PABIR2: variants seen among roughly 807,000 people sequenced by gnomAD.
PABIR2 encodes family with sequence similarity 122B.
A neutral mutation model predicts 22.8 loss-of-function variants in PABIR2; 7 were observed. The observed-to-expected ratio is 0.31, with a 90% CI of 0.17 to 0.58. PABIR2 has a LOEUF of 0.58. PABIR2 is among the 20% of genes least tolerant of loss of function. The probability of loss-of-function intolerance (pLI) is 0.89; values close to 1 mark genes in which losing one functional copy is unlikely to be tolerated. For synonymous variants in PABIR2, 67 were observed against 73.8 expected (o/e 0.91, Z 0.47); for missense variants, 155 against 205.1 (o/e 0.76, Z 1.49).
Position 134,781,829 on chromosome X carries a change from G to C in PABIR2, c.651C>G (p.Leu217=). ...TTATTTCATTTTTTTACCATGAACTGAGATCAGACAGTTGCGCGGCATCTG... is the reference window on the plus strand; with the variant it reads ...TTATTTCATTTTTTTACCATGAACTCAGATCAGACAGTTGCGCGGCATCTG... The part of the protein sequence containing the change: ...LSPDAAQLSD[L]SSCSDILDGS... The change falls in exon 9 of 10, where the codon CTC becomes CTG. Residue 217 remains leucine (L), a synonymous_variant. Coordinates refer to ENST00000343004, the MANE Select transcript of PABIR2 (RefSeq NM_001387468.1). 1 of 1,188,434 alleles carries C rather than the reference G, an allele frequency of 8.4e-7. No homozygotes were observed. Among genetic ancestry groups the C allele is most frequent in the Non-Finnish European group, 1.1e-6 (1 of 881,132 alleles).
chrX:134,795,503 G>A (rs1394170205), intron 1 of PABIR2, among the ~76,000 whole-genome samples: 3 of 111,266 alleles, frequency 2.7e-5, no homozygotes, highest in African/African-American at 6.5e-5. Flanking sequence ...TTGAAGAGTC[G>A]ATTCTCTCCA....
At chrX:134,786,289 A>G in intron 7 of PABIR2, among the ~76,000 whole-genome samples, 1 of 111,092 alleles carries the variant, frequency 9.0e-6, no homozygotes, top group East Asian at 2.8e-4. Context: ...GGTCAAGGTA[A>G]GCAGATCATC....
intron 8 of PABIR2, among the ~76,000 whole-genome samples, chrX:134,783,728 T>TA (rs769996686): frequency 0.015 from 1,294 of 87,370 alleles, 21 homozygotes; most frequent in African/African-American, 0.053. Flanking sequence ...CCGTCTCAAT[T>TA]AAAAAAAAAA....
intron 7 of PABIR2, among the ~76,000 whole-genome samples, chrX:134,786,684 G>A (rs755451584): frequency 1.5e-4 from 17 of 111,855 alleles, no homozygotes; most frequent in African/African-American, 5.5e-4. Context: ...GGGGCTGGGC[G>A]CTGTGGCTCA....
At chrX:134,779,747 A>G (rs2079108280) in intron 9 of PABIR2, among the ~76,000 whole-genome samples, 1 of 112,878 alleles carries the variant, frequency 8.9e-6, no homozygotes, top group Non-Finnish European at 1.9e-5. Context: ...TTAGCTTGGT[A>G]AAATGCTGTC....
chrX:134,781,916 A>G lies in PABIR2; in HGVS notation c.564T>C (p.Gly188=). The change falls in exon 9 of 10, where the codon GGT becomes GGC. Residue 188 remains glycine, a splice_region_variant and synonymous_variant. Coordinates refer to ENST00000343004, the MANE Select transcript of PABIR2 (RefSeq NM_001387468.1). ...TGGGCTGACTTTCTGTCTCCATTTC[A>G]CCTAAAACAGAAAGAGATGATGCTA... The part of the protein sequence containing the change: ...PSVLGPLKRK[G]EMETESQPKR... 7 of 1,187,576 alleles carry G rather than the reference A, an allele frequency of 5.9e-6. No homozygotes were observed. Among genetic ancestry groups the G allele is most frequent in the Non-Finnish European group, 8.0e-6 (7 of 878,327 alleles).
chrX:134,771,091 G>A lies in PABIR2; in HGVS notation c.*1048C>T. On this transcript the variant is annotated 3_prime_UTR_variant, in exon 10 of 10. Transcript: ENST00000343004. ...AACAAACAAATCCAATGACAAAAAG[G>A]AATCGGAAAAAAAGCAGCAACAGAA... 1 of 319,174 alleles carries A rather than the reference G, an allele frequency of 3.1e-6. No homozygotes were observed. Among genetic ancestry groups the A allele is most frequent in the Non-Finnish European group, 5.4e-6 (1 of 185,959 alleles). 26.3% of individuals were successfully genotyped at this position (319,174 alleles called of 1,213,427 possible).
rs746737037 is a variant in PABIR2 at position 134,789,656 on chromosome X, A to G, written c.178-20T>C. On this transcript the variant is annotated intron_variant, in intron 2 of 9. Transcript: ENST00000343004. ...CAGCAACTGGAAAGAAAAAGTAAAC[A>G]TTTACTATTTTCTGAATCACAAAGC... 1 of 1,135,903 alleles carries G rather than the reference A, an allele frequency of 8.8e-7. No homozygotes were observed. The highest frequency in any genetic ancestry group is 1.2e-6 in the Non-Finnish European group (1 of 856,608). The allele number at this position is 1,135,903 out of a possible 1,213,427, so 93.6% of individuals were successfully genotyped here. A position where few individuals can be genotyped will look rare whatever the true frequency, so the allele number is the denominator to read the frequency against.
At chrX:134,794,865 A>T (rs960969886) in intron 1 of PABIR2, among the ~76,000 whole-genome samples, 1 of 111,683 alleles carries the variant, frequency 9.0e-6, no homozygotes, top group Non-Finnish European at 1.9e-5. Context: ...GATCATAGCT[A>T]GTTAGTGAAA....
chrX:134,774,685 A>G (rs1265456796), intron 9 of PABIR2, among the ~76,000 whole-genome samples: 3 of 111,906 alleles, frequency 2.7e-5, no homozygotes, highest in Non-Finnish European at 5.6e-5. Flanking sequence ...TGTCTTCCCT[A>G]TTATTAAAAT....
At chrX:134,778,843 C>T (rs984441108) in intron 9 of PABIR2, among the ~76,000 whole-genome samples, 7 of 109,654 alleles carry the variant, frequency 6.4e-5, no homozygotes, top group African/African-American at 2.3e-4. Flanking sequence ...GACAGAGTCT[C>T]GCTCTGTCGC....
At position 134,796,576 on chromosome X, in the gene PABIR2, T is replaced by G; in HGVS notation, c.-371A>C. On this transcript the variant is annotated 5_prime_UTR_variant, in exon 1 of 10. Coordinates refer to ENST00000343004, the MANE Select transcript of PABIR2 (RefSeq NM_001387468.1). The stretch of plus-strand genomic sequence containing the variant: ...TGGAAAAGCAGGAGGACAGAGAGGA[T>G]AAGAGGAGGGCAGAGGGGGGAAAGG... The G allele has an allele frequency of 1.2e-5, 1 of 82,410 alleles. No individual in the cohort carries two copies. Among genetic ancestry groups the G allele is most frequent in the Non-Finnish European group, 2.2e-5 (1 of 45,539 alleles). The allele number at this position is 82,410 out of a possible 1,213,427, so 6.8% of individuals were successfully genotyped here.
In PABIR2 at chrX:134,772,096, T is replaced by C. The variant is rs752345275; in HGVS notation, c.*43A>G. Reference sequence around the variant, plus strand: ...TCTGCGTTCCCCACTAAACATTTTATGTAGGAAACAGCAGTTAAAACGTTG... The same window carrying C: ...TCTGCGTTCCCCACTAAACATTTTACGTAGGAAACAGCAGTTAAAACGTTG... On this transcript the variant is annotated 3_prime_UTR_variant, in exon 10 of 10. Transcript: ENST00000343004. The C allele has an allele frequency of 6.9e-6, 8 of 1,158,869 alleles. No individual in the cohort carries two copies. Among genetic ancestry groups the C allele is most frequent in the African/African-American group, 1.8e-5 (1 of 55,789 alleles).
At chrX:134,790,047 A>T (rs1389173712) in intron 2 of PABIR2, among the ~76,000 whole-genome samples, 1 of 112,349 alleles carries the variant, frequency 8.9e-6, no homozygotes, top group Non-Finnish European at 1.9e-5. Flanking sequence ...CAGGCTAATA[A>T]GTCTAGTATA....
At chrX:134,775,773 C>G (rs2078960098) in intron 9 of PABIR2, among the ~76,000 whole-genome samples, 1 of 110,551 alleles carries the variant, frequency 9.0e-6, no homozygotes, top group East Asian at 2.8e-4. Context: ...ACAGCCCTAT[C>G]AAGCCTAGCA....
At chrX:134,773,350 G>A (rs1341278757) in intron 9 of PABIR2, among the ~76,000 whole-genome samples, 2 of 109,595 alleles carry the variant, frequency 1.8e-5, no homozygotes, top group African/African-American at 3.3e-5. Flanking sequence ...TAAAACAGAC[G>A]TGGTCCCAGC....
intron 8 of PABIR2, among the ~76,000 whole-genome samples, 186 bp downstream of exon 8, chrX:134,785,700 C>T (rs1177008405): frequency 1.8e-5 from 2 of 112,038 alleles, no homozygotes; most frequent in Non-Finnish European, 3.8e-5. Context: ...CCTCGGCCTC[C>T]GAAAGTATTG....
intron 9 of PABIR2, among the ~76,000 whole-genome samples, chrX:134,777,488 T>A (rs1363328360): frequency 8.0e-5 from 8 of 99,654 alleles, no homozygotes; most frequent in African/African-American, 3.1e-4. Flanking sequence ...ATCACACTAC[T>A]GTACTCTAGT....
intron 9 of PABIR2, among the ~76,000 whole-genome samples, chrX:134,778,415 A>G (rs776197515): frequency 1.3e-4 from 13 of 103,376 alleles, no homozygotes; most frequent in Admixed American, 5.2e-4. Context: ...GAGGTGGGAG[A>G]ATTGCTTGAA....
Sources: gnomAD v4.1 joint callset for allele counts (sites outside exome capture counted in the v4.1 genomes callset) on GRCh38, gnomAD v4.1.1 for gene constraint, MANE v1.5 for transcripts, NCBI Gene and HGNC (gene_info 2026-07-23, HGNC 2026-07-21) for gene names.